The following TBC1D32 variants were observed in gnomAD, a reference collection of about 807,000 sequenced individuals.
TBC1D32 encodes TBC1 domain family member 32.
A neutral mutation model predicts 170.3 loss-of-function variants in TBC1D32; 151 were observed. The observed-to-expected ratio is 0.89, with a 90% CI of 0.78 to 1.01. TBC1D32 has a LOEUF of 1.01. Ranked by LOEUF, TBC1D32 falls within the 50% of genes least tolerant of loss-of-function variation. TBC1D32 has a pLI of 0.00. For missense variants in TBC1D32, 1,464 were observed against 1,457.1 expected, an observed-to-expected ratio of 1.00 and a Z score of -0.08; for synonymous variants, 498 against 488.0, an observed-to-expected ratio of 1.02 and a Z score of -0.27.
intron 26 of TBC1D32, among the ~76,000 whole-genome samples, chr6:121,125,893 G>A (rs947604303): frequency 2.6e-5 from 4 of 152,114 alleles, no homozygotes; most frequent in Admixed American, 6.6e-5. Context: ...CCATCACACC[G>A]ACCCAGACAA....
At chr6:121,212,689 G>A (rs2078830849) in intron 21 of TBC1D32, among the ~76,000 whole-genome samples, 1 of 151,904 alleles carries the variant, frequency 6.6e-6, no homozygotes, top group Non-Finnish European at 1.5e-5. Context: ...CCTGACCTCA[G>A]ACCTCAGGTG....
At chr6:121,131,907 T>G (rs1466351333) in intron 24 of TBC1D32, among the ~76,000 whole-genome samples, 155 bp from the exon 25 acceptor site, 1 of 152,018 alleles carries the variant, frequency 6.6e-6, no homozygotes, top group Non-Finnish European at 1.5e-5. Context: ...TCTTATACCA[T>G]CAATTGTTTG....
In TBC1D32 at chr6:121,203,194, C is replaced by A. The variant is rs1013332886; in HGVS notation, c.2570+1881G>T. ...ATCTAGATTTATCACCATTAGATAT[C>A]AATGACCAATAATAGAAATTAGTAG... On this transcript the variant is annotated intron_variant, in intron 22 of 31. Coordinates refer to ENST00000398212, the MANE Select transcript of TBC1D32 (RefSeq NM_152730.6). 4.0e-5 allele frequency among the ~76,000 whole-genome samples: 6 copies of A among 151,116 alleles called. No homozygotes were observed. In the East Asian group the frequency reaches 5.8e-4, roughly 15 times the overall value.
intron 24 of TBC1D32, among the ~76,000 whole-genome samples, chr6:121,145,378 ACT>A (rs1276615013): frequency 6.6e-6 from 1 of 151,976 alleles, no homozygotes; most frequent in Admixed American, 6.6e-5. Flanking sequence ...AAAGAAAAAC[ACT>A]CTATATAATC....
chr6:121,139,697 T>C (rs562863485), intron 24 of TBC1D32: 36 of 152,122 alleles, frequency 2.4e-4, no homozygotes, highest in Admixed American at 1.8e-3. Context: ...AAAAAAACCT[T>C]AATATCAGCA....
rs780934257 is a variant in TBC1D32 at position 121,251,215 on chromosome 6, A to T, written c.2018+4113T>A. 1.7e-3 allele frequency among the ~76,000 whole-genome samples: 257 copies of T among 151,610 alleles called. 2 individuals are homozygous for T. The highest frequency in any genetic ancestry group is 3.3e-3 in the Non-Finnish European group (223 of 67,790). On this transcript the variant is annotated intron_variant, in intron 17 of 31. Transcript: ENST00000398212. ...TACCATTGACTTTCCTCATAGAATT[A>T]AAAAAAAACTACTTTAAATTTCATA... is the stretch of plus-strand genomic sequence containing the variant.
At chr6:121,131,777 TATA>T (rs1366842133) in intron 24 of TBC1D32, 25 bp from the exon 25 acceptor site, 10 of 1,548,046 alleles carry the variant, frequency 6.5e-6, no homozygotes, top group South Asian at 1.1e-5. Context: ...AACATACTAT[TATA>T]ATAAGACATG....
At chr6:121,176,513 T>C (rs994409362) in intron 22 of TBC1D32, among the ~76,000 whole-genome samples, 7 of 152,142 alleles carry the variant, frequency 4.6e-5, no homozygotes, top group African/African-American at 1.7e-4. Flanking sequence ...TTCCACACCA[T>C]GTTATGGATC....
intron 12 of TBC1D32, among the ~76,000 whole-genome samples, chr6:121,289,394 A>G (rs1406082669): frequency 1.3e-5 from 2 of 152,222 alleles, no homozygotes; most frequent in Non-Finnish European, 2.9e-5. Context: ...GTGAACTCCC[A>G]TTCACAATTG....
Position 121,321,690 on chromosome 6 carries a change from T to G in TBC1D32, c.260A>C (p.Glu87Ala). The change falls in exon 2 of 32, where the codon GAA becomes GCA. Residue 87 changes from glutamate (E) to alanine (A), a missense_variant. This residue lies in a region of TBC1D32 where 1,363 missense variants were observed against 1,338.1 expected (regional missense o/e 1.02). Transcript: ENST00000398212. ...KCTSDRNQGE[E>A]CGYDTVVQQV... ...CTGTACAACTGTATCATAGCCGCAT[T>G]CTTCACCCTGATTCCGATCAGATGT... is the stretch of plus-strand genomic sequence containing the variant. 1.2e-6 allele frequency: 2 copies of G among 1,614,112 alleles called. No homozygotes were observed. Among genetic ancestry groups the G allele is most frequent in the Non-Finnish European group, 1.7e-6 (2 of 1,179,978 alleles).
At chr6:121,307,366 A>C (rs2128483330) in intron 5 of TBC1D32, among the ~76,000 whole-genome samples, 1 of 152,242 alleles carries the variant, frequency 6.6e-6, no homozygotes, top group Non-Finnish European at 1.5e-5. Context: ...ACAGAGCAAG[A>C]CCCTGTCTCA....
At chr6:121,300,202 G>C (rs940187062) in intron 9 of TBC1D32, among the ~76,000 whole-genome samples, 3 of 152,142 alleles carry the variant, frequency 2.0e-5, no homozygotes, top group African/African-American at 7.2e-5. Context: ...CCAGCACTTT[G>C]AGAGGATGAG....
intron 13 of TBC1D32, 93 bp downstream of exon 13, chr6:121,283,709 GAAACCTACTTACCAAA>G: frequency 1.3e-6 from 1 of 742,872 alleles, no homozygotes. Context: ...GTATCTTAAT[GAAACCTACTTACCAAA>G]GTAGGTCAGG....
In TBC1D32 at chr6:121,334,456, C is replaced by T. The variant is rs750112167; in HGVS notation, c.-26G>A. ...CCTGTTGGAATCAAACGTCCACTCT[C>T]ATTACTCCAGGTCCGAGCAAAAGCC... On this transcript the variant is annotated 5_prime_UTR_variant, in exon 1 of 32. An upstream start codon of the reference 5' UTR is lost. Coordinates refer to ENST00000398212, the MANE Select transcript of TBC1D32 (RefSeq NM_152730.6). 1.2e-6 allele frequency: 2 copies of T among 1,605,530 alleles called. No individual in the cohort carries two copies. The highest frequency in any genetic ancestry group is 2.2e-5 in the South Asian group (2 of 90,116).
chr6:121,114,971 A>G (rs1779549375), intron 27 of TBC1D32, among the ~76,000 whole-genome samples: 1 of 152,190 alleles, frequency 6.6e-6, no homozygotes, highest in Admixed American at 6.5e-5. Context: ...TGGAATAACA[A>G]TGAACTGTAA....
At chr6:121,282,206 G>C (rs753991084) in intron 13 of TBC1D32, among the ~76,000 whole-genome samples, 1 of 151,574 alleles carries the variant, frequency 6.6e-6, no homozygotes, top group African/African-American at 2.4e-5. Context: ...CATAAAGCCA[G>C]TGAAAACAAA....
At position 121,239,739 on chromosome 6, in the gene TBC1D32, C is replaced by T. The variant is rs191867379; in HGVS notation, c.2246-551G>A. On this transcript the variant is annotated intron_variant, in intron 19 of 31. Coordinates refer to ENST00000398212, the MANE Select transcript of TBC1D32 (RefSeq NM_152730.6). ...CTTCAACCCAGTCTTTAAATTCTTACGAGTCATACTATACAACTAAACGAA... is the reference window on the plus strand; with the variant it reads ...CTTCAACCCAGTCTTTAAATTCTTATGAGTCATACTATACAACTAAACGAA... Among the ~76,000 whole-genome samples the T allele has an allele frequency of 4.5e-4, 69 of 152,096 alleles. 1 individual carries two copies. The highest frequency in any genetic ancestry group is 1.7e-3 in the South Asian group (8 of 4,824).
chr6:121,195,644 C>T (rs1790624885), intron 22 of TBC1D32, among the ~76,000 whole-genome samples: 1 of 152,192 alleles, frequency 6.6e-6, no homozygotes, highest in Non-Finnish European at 1.5e-5. Context: ...TTAATTTCCA[C>T]TCCTGCCACC....
In TBC1D32 at chr6:121,256,112, T is replaced by G. The variant is rs1563102783; in HGVS notation, c.1907A>C (p.His636Pro). The G allele has an allele frequency of 6.2e-7, 1 of 1,613,142 alleles. No individual in the cohort carries two copies. The highest frequency in any genetic ancestry group is 8.5e-7 in the Non-Finnish European group (1 of 1,179,808). The change falls in exon 16 of 32, where the codon CAT (histidine) becomes CCT (proline). Residue 636 changes from histidine to proline, a missense_variant. Transcript: ENST00000398212. ...GLQVLITYNL[H>P]ESIAKAWKKT... ...TTTCCATGCCTTTGCTATAGATTCA[T>G]GCAAATTATAAGTGATTAACACCTG... is the stretch of plus-strand genomic sequence containing the variant.
Sources: gnomAD v4.1 joint callset for allele counts (sites outside exome capture counted in the v4.1 genomes callset) on GRCh38, gnomAD v4.1.1 for gene constraint, gnomAD v4.1.1 regional missense constraint, MANE v1.5 for transcripts, NCBI Gene and HGNC (gene_info 2026-07-23, HGNC 2026-07-21) for gene names.